The following UGT1A9 variants were observed in gnomAD, a reference collection of about 807,000 sequenced individuals.
UGT1A9 encodes the protein UDP glucuronosyltransferase family 1 member A9.
In UGT1A9, 35 loss-of-function variants were observed where a neutral mutation model predicts 45.0. That is an observed-to-expected ratio of 0.78 (90% CI 0.59 to 1.03). The LOEUF is 1.03. Ranked by LOEUF, UGT1A9 falls within the 50% of genes least tolerant of loss-of-function variation. The pLI, the probability that UGT1A9 is intolerant of heterozygous loss-of-function variation, is 0.00. For synonymous variants in UGT1A9, 278 were observed against 250.6 expected, an observed-to-expected ratio of 1.11 and a Z score of -1.03; for missense variants, 687 against 666.6, an observed-to-expected ratio of 1.03 and a Z score of -0.34.
intron 1 of UGT1A9, chr2:233,682,626 TA>T (rs760187297): frequency 2.5e-6 from 4 of 1,613,904 alleles, no homozygotes; most frequent in South Asian, 1.1e-5. Context: ...GTCTTAGAAA[TA>T]GCCTCTGAAA....
rs879204025 is a variant in UGT1A9, at chr2:233,769,857, CA to C, written c.1295+1435del. 0.15 allele frequency: 32,681 copies of C among 223,256 alleles called. 81 individuals are homozygous for C. Among genetic ancestry groups the C allele is most frequent in the Middle Eastern group, 0.2 (155 of 784 alleles). The allele number at this position is 223,256 out of a possible 1,614,324, so 13.8% of individuals were successfully genotyped here. ...TGGGCAACAGAGTGAGACCCTGTCT[CA>C]AAAAAAAAAAAAAAAATGAAAAGTC... On this transcript the variant is annotated intron_variant, in intron 4 of 4. Transcript: ENST00000354728. This position sits in a 1 kb window ranked among gnomAD's most constrained non-coding sequence, Gnocchi z 4.4.
intron 1 of UGT1A9, chr2:233,741,484 T>C (rs1691677758): frequency 6.6e-6 from 1 of 151,932 alleles, no homozygotes. Flanking sequence ...CCTCGTCTGA[T>C]GTACAAAAAA....
chr2:233,690,847 T>TA (rs2075018275), intron 1 of UGT1A9: 2 of 1,068,466 alleles, frequency 1.9e-6, no homozygotes, highest in Non-Finnish European at 2.3e-6. Context: ...AAATGTTTTC[T>TA]AATACCTTCT....
chr2:233,720,890 T>A (rs2076904150), intron 1 of UGT1A9, among the ~76,000 whole-genome samples: 3 of 149,442 alleles, frequency 2.0e-5, no homozygotes, highest in African/African-American at 5.0e-5. Context: ...TTTTTTTTTT[T>A]AGTAGAGATG....
At position 233,672,009 on chromosome 2, in the gene UGT1A9, A is replaced by G. The variant is rs1442361426; in HGVS notation, c.75A>G (p.Ala25=). Residue 25 remains alanine (A), a synonymous_variant, in exon 1 of 5, where the codon GCA becomes GCG. Coordinates refer to ENST00000354728, the MANE Select transcript of UGT1A9 (RefSeq NM_021027.3). ...TGCTGACCTGTGGCTTTGCCGAGGCAGGGAAGCTACTGGTAGTGCCCATGG... is the reference window on the plus strand; with the variant it reads ...TGCTGACCTGTGGCTTTGCCGAGGCGGGGAAGCTACTGGTAGTGCCCATGG... ...CLLLTCGFAE[A]GKLLVVPMDG... is the part of the protein sequence containing the mutation. 1 of 1,614,114 alleles carries G rather than the reference A, an allele frequency of 6.2e-7. No homozygotes were observed. Among genetic ancestry groups the G allele is most frequent in the Admixed American group, 1.7e-5 (1 of 60,022 alleles).
chr2:233,747,849 A>C, intron 1 of UGT1A9: 1 of 1,613,552 alleles, frequency 6.2e-7, no homozygotes. Flanking sequence ...AAGGGTCAAG[A>C]ACATGCTCTA....
chr2:233,675,138 A>C (rs984372310), intron 1 of UGT1A9, among the ~76,000 whole-genome samples: 1 of 145,294 alleles, frequency 6.9e-6, no homozygotes, highest in Non-Finnish European at 1.6e-5. Flanking sequence ...CCTTGAGGCT[A>C]TCCAGGGGAA....
chr2:233,724,478 T>C (rs865902503), intron 1 of UGT1A9, among the ~76,000 whole-genome samples: 108 of 60,136 alleles, frequency 1.8e-3, no homozygotes, highest in South Asian at 3.9e-3. Flanking sequence ...TCCTCACTTC[T>C]CAGACGGGGC....
intron 1 of UGT1A9, chr2:233,691,227 C>T (rs1202389398): frequency 2.0e-6 from 2 of 985,416 alleles, no homozygotes; most frequent in African/African-American, 3.5e-5. Context: ...TTCCTGGAGT[C>T]TTATTGCTAT....
chr2:233,694,371 G>A (rs1001600534), intron 1 of UGT1A9, among the ~76,000 whole-genome samples: 3 of 151,610 alleles, frequency 2.0e-5, no homozygotes, highest in Admixed American at 2.0e-4. Context: ...GGTTTTTGTA[G>A]TTTTAAAACA....
At chr2:233,704,652 G>T (rs2075801775) in intron 1 of UGT1A9, among the ~76,000 whole-genome samples, 1 of 151,908 alleles carries the variant, frequency 6.6e-6, no homozygotes, top group Non-Finnish European at 1.5e-5. Flanking sequence ...TATCATTTTT[G>T]GTTCTTTTCC....
At position 233,681,388 on chromosome 2, in the gene UGT1A9, G is replaced by A. The variant is rs570402394; in HGVS notation, c.855+8599G>A. On this transcript the variant is annotated intron_variant, in intron 1 of 4. Transcript: ENST00000354728. Reference sequence around the variant, plus strand: ...GTCTCCACTAAAATACAAAAAGTTAGCTGGGCATGGCAGCGTGCGCCTGTA... The same window carrying A: ...GTCTCCACTAAAATACAAAAAGTTAACTGGGCATGGCAGCGTGCGCCTGTA... Among the ~76,000 whole-genome samples the A allele has an allele frequency of 9.9e-5, 15 of 151,988 alleles. No homozygotes were observed. The Middle Eastern group carries it at 0.02, about 207-fold the overall frequency.
chr2:233,712,511 T>C (rs2013018), intron 1 of UGT1A9, among the ~76,000 whole-genome samples: 15,485 of 152,220 alleles, frequency 0.1, 907 homozygotes, highest in East Asian at 0.2. Context: ...TTGTCTGCAT[T>C]TTGGATGTGC....
intron 1 of UGT1A9, among the ~76,000 whole-genome samples, chr2:233,710,213 G>A (rs1438466149): frequency 6.6e-6 from 1 of 152,160 alleles, no homozygotes; most frequent in Non-Finnish European, 1.5e-5. Flanking sequence ...TGGCTATTAT[G>A]AATAAAGCTG....
intron 1 of UGT1A9, among the ~76,000 whole-genome samples, chr2:233,731,205 G>A (rs956328200): frequency 4.6e-5 from 7 of 151,358 alleles, no homozygotes; most frequent in African/African-American, 1.5e-4. Context: ...TATAAAATAC[G>A]TGTTTATTTA....
chr2:233,718,650 G>A (rs762582073), intron 1 of UGT1A9: 221 of 1,506,712 alleles, frequency 1.5e-4, no homozygotes, highest in Middle Eastern at 2.4e-4. Context: ...GGCCCATAAC[G>A]AAAGGCAGTT....
rs760402326 is a variant in UGT1A9 at position 233,672,176 on chromosome 2, A to G, written c.242A>G (p.Tyr81Cys). 1 of 1,614,088 alleles carries G rather than the reference A, an allele frequency of 6.2e-7. No homozygotes were observed. The highest frequency in any genetic ancestry group is 8.5e-7 in the Non-Finnish European group (1 of 1,180,040). Residue 81 changes from tyrosine to cysteine, a missense_variant, in exon 1 of 5, where the codon TAT becomes TGT. By Grantham distance (194) the Tyr-to-Cys change is radical. Transcript: ENST00000354728. Reference sequence around the variant, plus strand: ...ACAGTGAAGACTTATTCAACTTCATATACCCTGGAGGATCTGGACCGGGAG... The same window carrying G: ...ACAGTGAAGACTTATTCAACTTCATGTACCCTGGAGGATCTGGACCGGGAG... ...NCTVKTYSTS[Y>C]TLEDLDREFK...
intron 1 of UGT1A9, among the ~76,000 whole-genome samples, chr2:233,742,120 G>T (rs910307834): frequency 7.9e-5 from 12 of 151,826 alleles, no homozygotes; most frequent in Admixed American, 6.5e-5. Flanking sequence ...CAGCTTGGTC[G>T]TGGAGACCCT....
rs1373698979 is a variant in UGT1A9, at chr2:233,678,539, A to T, written c.855+5750A>T. 2.6e-5 allele frequency among the ~76,000 whole-genome samples: 4 copies of T among 152,308 alleles called. No homozygotes were observed. The East Asian group carries it at 7.7e-4, about 29-fold the overall frequency. ...CTGTCTGTTTTTTTCTCTTTGATGT[A>T]TTTAAAAATGCTTTTATACAGTACT... On this transcript the variant is annotated intron_variant, in intron 1 of 4. Transcript: ENST00000354728.
Sources: gnomAD v4.1 joint callset for allele counts (sites outside exome capture counted in the v4.1 genomes callset) on GRCh38, gnomAD v4.1.1 for gene constraint, Gnocchi (gnomAD v3.1) non-coding constraint, MANE v1.5 for transcripts, NCBI Gene and HGNC (gene_info 2026-07-23, HGNC 2026-07-21) for gene names.